Variants in STAG1 observed in about 807,000 individuals in gnomAD.
STAG1 encodes STAG1 cohesin complex component, also known as cohesin subunit SA-1.
A neutral mutation model predicts 170.9 loss-of-function variants in STAG1; 26 were observed. The observed-to-expected ratio is 0.15, with a 90% CI of 0.11 to 0.21. The LOEUF (loss-of-function observed/expected upper bound fraction) is 0.21. Among genes scored for constraint, STAG1 ranks in the 10% least tolerant of loss-of-function variants. STAG1 has a pLI of 1.00. For synonymous variants in STAG1, 514 were observed against 497.7 expected, an observed-to-expected ratio of 1.03 and a Z score of -0.44; for missense variants, 964 against 1,509.5, an observed-to-expected ratio of 0.64 and a Z score of 5.99.
chr3:136,626,316 C>CT (rs1940089965), intron 2 of STAG1, among the ~76,000 whole-genome samples: 1 of 149,728 alleles, frequency 6.7e-6, no homozygotes, highest in Non-Finnish European at 1.5e-5. Context: ...GTCCCAGCTA[C>CT]TTGGGAGGCT....
At chr3:136,571,959 G>A (rs1373115220) in intron 4 of STAG1, among the ~76,000 whole-genome samples, 1 of 152,120 alleles carries the variant, frequency 6.6e-6, no homozygotes. Context: ...GAGATGGGTG[G>A]CTCACTTGAG....
chr3:136,348,019 ATTAGAT>A (rs1232485875), intron 29 of STAG1, among the ~76,000 whole-genome samples: 1 of 152,228 alleles, frequency 6.6e-6, no homozygotes, highest in Non-Finnish European at 1.5e-5. Context: ...GAAAAGAATC[ATTAGAT>A]TTAAATTCTA....
At chr3:136,645,977 T>C (rs1282840416) in intron 1 of STAG1, among the ~76,000 whole-genome samples, 1 of 152,096 alleles carries the variant, frequency 6.6e-6, no homozygotes, top group Non-Finnish European at 1.5e-5. Flanking sequence ...CATTTTCAAT[T>C]CCAAAGACCT....
intron 22 of STAG1, among the ~76,000 whole-genome samples, chr3:136,393,328 T>C (rs2087061198): frequency 6.6e-6 from 1 of 152,132 alleles, no homozygotes; most frequent in South Asian, 2.1e-4. Flanking sequence ...CATTACAAAC[T>C]GAGCCAACTT....
intron 5 of STAG1, among the ~76,000 whole-genome samples, chr3:136,552,834 C>T (rs994784075): frequency 1.3e-5 from 2 of 152,068 alleles, no homozygotes; most frequent in Non-Finnish European, 2.9e-5. Flanking sequence ...TACAAATGGT[C>T]CTAGATTGGT....
intron 3 of STAG1, among the ~76,000 whole-genome samples, chr3:136,610,315 G>T (rs887996210): frequency 3.3e-5 from 5 of 152,184 alleles, no homozygotes; most frequent in Non-Finnish European, 7.3e-5. Context: ...GATTACAGGT[G>T]TAAGCCACTG....
chr3:136,593,662 G>C (rs370077490), intron 4 of STAG1, among the ~76,000 whole-genome samples: 1 of 152,144 alleles, frequency 6.6e-6, no homozygotes, highest in Non-Finnish European at 1.5e-5. Context: ...CATCTATCTT[G>C]TTTAAACAAC....
intron 4 of STAG1, among the ~76,000 whole-genome samples, chr3:136,583,799 T>A (rs1272360835): frequency 6.6e-6 from 1 of 151,892 alleles, no homozygotes; most frequent in African/African-American, 2.4e-5. Context: ...TCAAGGAGAT[T>A]TAAAAAACAA....
At chr3:136,384,523 C>T (rs993621412) in intron 22 of STAG1, among the ~76,000 whole-genome samples, 2 of 150,602 alleles carry the variant, frequency 1.3e-5, no homozygotes, top group African/African-American at 4.9e-5. Context: ...AATCTTAGCA[C>T]TTTGGGAGGC....
At chr3:136,455,575 G>GTGCT (rs1430920540) in intron 13 of STAG1, among the ~76,000 whole-genome samples, 1 of 152,216 alleles carries the variant, frequency 6.6e-6, no homozygotes. Context: ...AAAGAATAGG[G>GTGCT]TGCTGATCAC....
At chr3:136,743,383 AT>A (rs1415889991) in intron 1 of STAG1, among the ~76,000 whole-genome samples, 19 of 151,360 alleles carry the variant, frequency 1.3e-4, no homozygotes, top group African/African-American at 4.7e-4. Flanking sequence ...AAAAAAAATA[AT>A]AATAACAATA....
At chr3:136,586,762 G>C (rs1016820103) in intron 4 of STAG1, 4 of 443,296 alleles carry the variant, frequency 9.0e-6, no homozygotes, top group Non-Finnish European at 1.8e-5. Context: ...CTAACATGGG[G>C]AAGCAAGCAT....
chr3:136,477,313 A>G lies in STAG1; in HGVS notation c.1002T>C (p.Tyr334=), dbSNP rs377321653. Residue 334 remains tyrosine, a synonymous_variant, in exon 10 of 34, where the codon TAT becomes TAC. Transcript: ENST00000383202. ...DAFLNDSYLK[Y]VGWTLHDRQG... ...CCCTGTCATGAAGAGTCCAGCCAAC[A>G]TATTTTAGGTAACTGTCATTTAGGA... The G allele has an allele frequency of 9.9e-6, 16 of 1,613,086 alleles. No homozygotes were observed. Among genetic ancestry groups the G allele is most frequent in the Non-Finnish European group, 9.3e-6 (11 of 1,179,704 alleles).
intron 1 of STAG1, among the ~76,000 whole-genome samples, chr3:136,683,752 A>C (rs901846938): frequency 1.3e-5 from 2 of 152,234 alleles, no homozygotes; most frequent in African/African-American, 4.8e-5. Context: ...AAAAAAGTCA[A>C]AACAGTCTCT....
intron 15 of STAG1, among the ~76,000 whole-genome samples, chr3:136,435,587 T>C (rs1311924307): frequency 6.6e-6 from 1 of 152,214 alleles, no homozygotes; most frequent in Non-Finnish European, 1.5e-5. Flanking sequence ...AGAAATACAA[T>C]ATAGCTTTTC....
intron 15 of STAG1, among the ~76,000 whole-genome samples, chr3:136,437,985 CCT>C (rs1348279017): frequency 2.0e-5 from 3 of 152,070 alleles, no homozygotes; most frequent in Admixed American, 6.6e-5. Context: ...ACATTATTCC[CCT>C]GTTTAAAATC....
chr3:136,570,421 C>T (rs573717978), intron 4 of STAG1, among the ~76,000 whole-genome samples: 7 of 152,170 alleles, frequency 4.6e-5, no homozygotes, highest in Non-Finnish European at 1.0e-4. Context: ...GAATATACCA[C>T]AATCTATCAC....
chr3:136,398,934 T>A, intron 21 of STAG1, 105 bp from the exon 22 acceptor site: 1 of 581,336 alleles, frequency 1.7e-6, no homozygotes, highest in Non-Finnish European at 2.7e-6. Flanking sequence ...TATTTTATAG[T>A]ATAGCTTCAA....
intron 28 of STAG1, among the ~76,000 whole-genome samples, chr3:136,352,115 C>T (rs765257600): frequency 3.3e-5 from 5 of 151,736 alleles, no homozygotes; most frequent in Non-Finnish European, 5.9e-5. Flanking sequence ...TAAAGAGTAG[C>T]TATATTATTA....
Sources: gnomAD v4.1 joint callset for allele counts (sites outside exome capture counted in the v4.1 genomes callset) on GRCh38, gnomAD v4.1.1 for gene constraint, MANE v1.5 for transcripts, NCBI Gene and HGNC (gene_info 2026-07-23, HGNC 2026-07-21) for gene names.